CDH12: variants seen among roughly 807,000 people sequenced by gnomAD.
CDH12 encodes cadherin-12.
Under a neutral mutation model 74.1 loss-of-function variants are expected in CDH12, and 41 were observed. That is an observed-to-expected ratio of 0.55 (90% CI 0.43 to 0.72). The LOEUF (loss-of-function observed/expected upper bound fraction) is 0.72. Among genes scored for constraint, CDH12 ranks in the 30% least tolerant of loss-of-function variants. The pLI, the probability that CDH12 is intolerant of heterozygous loss-of-function variation, is 0.00. For synonymous variants in CDH12, 399 were observed against 355.0 expected (o/e 1.12, Z -1.39); for missense variants, 945 against 977.2 (o/e 0.97, Z 0.44).
At chr5:21,946,193 A>G in intron 6 of CDH12, among the ~76,000 whole-genome samples, 1 of 152,186 alleles carries the variant, frequency 6.6e-6, no homozygotes, top group East Asian at 1.9e-4. Context: ...TTAAAGTGAC[A>G]TAGAAAACAT....
At chr5:21,763,558 T>C (rs1327982742) in intron 12 of CDH12, among the ~76,000 whole-genome samples, 1 of 152,162 alleles carries the variant, frequency 6.6e-6, no homozygotes, top group Non-Finnish European at 1.5e-5. Flanking sequence ...AAGTGAATAG[T>C]TACGCTATTT....
rs75871091 is a variant in CDH12, at chr5:22,599,615, T to C, written c.-522-94251A>G. Among the ~76,000 whole-genome samples the C allele has an allele frequency of 1.2e-3, 185 of 152,250 alleles. 4 individuals are homozygous for C. The East Asian group carries it at 0.035, about 29-fold the overall frequency. Reference sequence around the variant, plus strand: ...CTACTTCTGGATTATATAAATACTATGAAAATGTATCAGTTTAGAGTCAAA... The same window carrying C: ...CTACTTCTGGATTATATAAATACTACGAAAATGTATCAGTTTAGAGTCAAA... On this transcript the variant is annotated intron_variant, in intron 1 of 14. Coordinates refer to ENST00000382254, the MANE Select transcript of CDH12 (RefSeq NM_004061.5).
chr5:21,856,240 A>C (rs1750748589), intron 6 of CDH12, among the ~76,000 whole-genome samples: 1 of 151,642 alleles, frequency 6.6e-6, no homozygotes, highest in Admixed American at 6.6e-5. Context: ...CCTTTCTATA[A>C]TCCTGTAGAA....
intron 1 of CDH12, among the ~76,000 whole-genome samples, chr5:22,608,189 G>A (rs995444605): frequency 1.0e-4 from 15 of 147,110 alleles, no homozygotes; most frequent in African/African-American, 2.9e-4. Flanking sequence ...AGGAGGTGGT[G>A]AGGGGGGCTA....
chr5:22,568,054 G>T (rs1276648997), intron 1 of CDH12, among the ~76,000 whole-genome samples: 2 of 152,164 alleles, frequency 1.3e-5, no homozygotes, highest in Non-Finnish European at 2.9e-5. Flanking sequence ...ATATGTAATT[G>T]TTAAACAGTT....
At chr5:22,741,507 TC>T (rs1179322302) in intron 1 of CDH12, among the ~76,000 whole-genome samples, 1 of 152,190 alleles carries the variant, frequency 6.6e-6, no homozygotes, top group Non-Finnish European at 1.5e-5. Context: ...TGTTTTTAAT[TC>T]TGAAGTATGT....
At chr5:22,570,656 A>G (rs537676309) in intron 1 of CDH12, among the ~76,000 whole-genome samples, 1 of 152,330 alleles carries the variant, frequency 6.6e-6, no homozygotes, top group South Asian at 2.1e-4. Flanking sequence ...TAGATTTAGC[A>G]TAATTCTTAA....
intron 1 of CDH12, among the ~76,000 whole-genome samples, chr5:22,632,703 C>T (rs1843837): frequency 0.15 from 22,431 of 151,736 alleles, 2,160 homozygotes; most frequent in Admixed American, 0.33. Flanking sequence ...TACTAACAAA[C>T]GCATAATAGG....
At chr5:21,900,677 A>G (rs1478572767) in intron 6 of CDH12, among the ~76,000 whole-genome samples, 1 of 152,180 alleles carries the variant, frequency 6.6e-6, no homozygotes, top group Non-Finnish European at 1.5e-5. Context: ...CAGAAAACAC[A>G]TATTTCAATA....
intron 5 of CDH12, among the ~76,000 whole-genome samples, chr5:22,072,530 T>G (rs1001138207): frequency 6.8e-6 from 1 of 146,244 alleles, no homozygotes; most frequent in African/African-American, 2.5e-5. Context: ...TATAGCACTT[T>G]TGTGTGTGTG....
At chr5:22,459,878 A>G (rs1235801073) in intron 2 of CDH12, among the ~76,000 whole-genome samples, 1 of 152,134 alleles carries the variant, frequency 6.6e-6, no homozygotes, top group Non-Finnish European at 1.5e-5. Flanking sequence ...AGGCAGAAGA[A>G]TCGCTTGAAC....
chr5:22,116,864 C>CTTT (rs70957090), intron 4 of CDH12, among the ~76,000 whole-genome samples: 2 of 108,034 alleles, frequency 1.9e-5, no homozygotes, highest in Non-Finnish European at 3.7e-5. Flanking sequence ...CTGCAAGTCT[C>CTTT]TTTTTTTTTT....
intron 4 of CDH12, among the ~76,000 whole-genome samples, chr5:22,156,727 A>T (rs896628682): frequency 6.6e-6 from 1 of 152,184 alleles, no homozygotes; most frequent in African/African-American, 2.4e-5. Context: ...TTTAAAATAA[A>T]ATTATAACTG....
chr5:22,280,274 A>C (rs1177576672), intron 3 of CDH12, among the ~76,000 whole-genome samples: 1 of 152,062 alleles, frequency 6.6e-6, no homozygotes, highest in Non-Finnish European at 1.5e-5. Flanking sequence ...AAAGCAGAAA[A>C]GATCTAAAAT....
chr5:22,240,680 C>T (rs533952146), intron 3 of CDH12, among the ~76,000 whole-genome samples: 1 of 131,694 alleles, frequency 7.6e-6, no homozygotes, highest in Admixed American at 7.2e-5. Context: ...ATTACAGGCG[C>T]CTGCCACCAT....
chr5:22,326,238 T>TCC (rs1228646693), intron 3 of CDH12, among the ~76,000 whole-genome samples: 1 of 151,758 alleles, frequency 6.6e-6, no homozygotes, highest in East Asian at 1.9e-4. Context: ...ATTTTTTTTT[T>TCC]TTCTTTCTTT....
chr5:22,821,109 T>C (rs1171450944), intron 1 of CDH12, among the ~76,000 whole-genome samples: 2 of 152,056 alleles, frequency 1.3e-5, no homozygotes, highest in Admixed American at 6.6e-5. Flanking sequence ...TAATCCAGCA[T>C]ATAAACAGAA....
chr5:21,996,743 A>G (rs1268280498), intron 5 of CDH12, among the ~76,000 whole-genome samples: 1 of 152,210 alleles, frequency 6.6e-6, no homozygotes, highest in African/African-American at 2.4e-5. Flanking sequence ...ATGGTTTCAG[A>G]TAAAATACAT....
At chr5:22,808,388 T>C (rs1306647955) in intron 1 of CDH12, among the ~76,000 whole-genome samples, 1 of 152,140 alleles carries the variant, frequency 6.6e-6, no homozygotes, top group Non-Finnish European at 1.5e-5. Flanking sequence ...GTGATACCCT[T>C]ACAGTCCTTT....
Sources: gnomAD v4.1 joint callset for allele counts (sites outside exome capture counted in the v4.1 genomes callset) on GRCh38, gnomAD v4.1.1 for gene constraint, MANE v1.5 for transcripts, NCBI Gene and HGNC (gene_info 2026-07-23, HGNC 2026-07-21) for gene names.